The following IKZF3 variants were observed in gnomAD, a reference collection of about 807,000 sequenced individuals.
IKZF3 encodes IKAROS family zinc finger 3, also known as zinc finger protein Aiolos.
A neutral mutation model predicts 49.0 loss-of-function variants in IKZF3; 10 were observed. The observed-to-expected ratio is 0.20, with a 90% confidence interval of 0.13 to 0.35. The LOEUF is 0.35. Among genes scored for constraint, IKZF3 ranks in the 10% least tolerant of loss-of-function variants. IKZF3 has a pLI of 1.00. For missense variants in IKZF3, 498 were observed against 664.8 expected (o/e 0.75, Z 2.76); for synonymous variants, 209 against 228.2 (o/e 0.92, Z 0.76).
chr17:39,798,133 A>G (rs1015471158), intron 3 of IKZF3, among the ~76,000 whole-genome samples: 1 of 152,034 alleles, frequency 6.6e-6, no homozygotes, highest in Non-Finnish European at 1.5e-5. Context: ...CCATTACCTA[A>G]TTCTCAGACC....
intron 3 of IKZF3, among the ~76,000 whole-genome samples, chr17:39,816,845 C>G (rs2061688306): frequency 6.6e-6 from 1 of 152,204 alleles, no homozygotes; most frequent in African/African-American, 2.4e-5. Context: ...TCCCGAGTAG[C>G]TGGGATTACA....
intron 7 of IKZF3, among the ~76,000 whole-genome samples, chr17:39,771,062 C>A (rs1250275964): frequency 2.6e-5 from 4 of 152,148 alleles, no homozygotes; most frequent in Non-Finnish European, 4.4e-5. Context: ...TCCAAGATTG[C>A]CCAGTTGGTG....
chr17:39,776,122 G>A (rs1597972052), intron 7 of IKZF3, among the ~76,000 whole-genome samples: 3 of 152,128 alleles, frequency 2.0e-5, no homozygotes, highest in Non-Finnish European at 4.4e-5. Context: ...CTGGTGGTGC[G>A]TGCCCATAGT....
At chr17:39,823,751 G>T (rs1483038113) in intron 3 of IKZF3, among the ~76,000 whole-genome samples, 5 of 152,214 alleles carry the variant, frequency 3.3e-5, no homozygotes, top group Non-Finnish European at 7.3e-5. Flanking sequence ...GCTTCCATGT[G>T]ATGTTGAGCC....
intron 1 of IKZF3, among the ~76,000 whole-genome samples, chr17:39,863,770 T>C (rs1285362822): frequency 6.7e-6 from 1 of 149,666 alleles, no homozygotes; most frequent in African/African-American, 2.5e-5. Flanking sequence ...ACTGAGGCCA[T>C]GAAGGAAAAA....
intron 3 of IKZF3, among the ~76,000 whole-genome samples, chr17:39,825,013 A>G (rs2061920670): frequency 6.6e-6 from 1 of 152,090 alleles, no homozygotes; most frequent in African/African-American, 2.4e-5. Context: ...ATGGTTTCAT[A>G]AGTGTCTGGC....
At chr17:39,850,540 A>G (rs1487001473) in intron 1 of IKZF3, among the ~76,000 whole-genome samples, 1 of 129,908 alleles carries the variant, frequency 7.7e-6, no homozygotes, top group Non-Finnish European at 1.5e-5. Context: ...ATACATGTAC[A>G]TATTATAGCA....
At chr17:39,860,444 G>C (rs751314110) in intron 1 of IKZF3, among the ~76,000 whole-genome samples, 3 of 152,118 alleles carry the variant, frequency 2.0e-5, no homozygotes, top group Non-Finnish European at 4.4e-5. Context: ...ACAAATTTCT[G>C]CTCATATTCA....
chr17:39,788,933 G>A (rs1434616044), intron 5 of IKZF3, among the ~76,000 whole-genome samples: 1 of 152,072 alleles, frequency 6.6e-6, no homozygotes, highest in African/African-American at 2.4e-5. Flanking sequence ...ATTAACTACG[G>A]ATTTTTTTGT....
At position 39,864,258 on chromosome 17, in the gene IKZF3, G is replaced by T; in HGVS notation, c.-132C>A. 1 of 1,060,806 alleles carries T rather than the reference G, an allele frequency of 9.4e-7. No homozygotes were observed. Among genetic ancestry groups the T allele is most frequent in the Non-Finnish European group, 1.4e-6 (1 of 736,368 alleles). The allele number at this position is 1,060,806 out of a possible 1,614,324, so 65.7% of individuals were successfully genotyped here. ...GGGGAGTCCCCGGGATCCGGCAGCC[G>T]CGTCGGCGCAGACTGAAAAGGGCAG... On this transcript the variant is annotated 5_prime_UTR_variant, in exon 1 of 8. Coordinates refer to ENST00000346872, the MANE Select transcript of IKZF3 (RefSeq NM_012481.5).
At chr17:39,844,268 C>T (rs1473723265) in intron 1 of IKZF3, among the ~76,000 whole-genome samples, 1 of 152,158 alleles carries the variant, frequency 6.6e-6, no homozygotes, top group African/African-American at 2.4e-5. Context: ...GATGTTTATA[C>T]ATATCTGGGG....
chr17:39,864,101 A>G lies in IKZF3; in HGVS notation c.7+19T>C. ...GTTTCTCAAAGACCCCGGAGAAAAGAAGCGGGCTGGAGGCTCACCTTCCAT... is the reference window on the plus strand; with the variant it reads ...GTTTCTCAAAGACCCCGGAGAAAAGGAGCGGGCTGGAGGCTCACCTTCCAT... On this transcript the variant is annotated intron_variant, in intron 1 of 7. Coordinates refer to ENST00000346872, the MANE Select transcript of IKZF3 (RefSeq NM_012481.5). 1 of 1,613,054 alleles carries G rather than the reference A, an allele frequency of 6.2e-7. No homozygotes were observed. The highest frequency in any genetic ancestry group is 8.5e-7 in the Non-Finnish European group (1 of 1,179,624).
intron 3 of IKZF3, among the ~76,000 whole-genome samples, chr17:39,799,874 C>A (rs1796035289): frequency 6.6e-6 from 1 of 152,226 alleles, no homozygotes; most frequent in South Asian, 2.1e-4. Flanking sequence ...ATACATCCGT[C>A]TTATTCTGCT....
intron 7 of IKZF3, among the ~76,000 whole-genome samples, chr17:39,767,738 C>T (rs1213156340): frequency 1.3e-5 from 2 of 151,678 alleles, no homozygotes; most frequent in African/African-American, 2.4e-5. Flanking sequence ...GAAATAAGAC[C>T]TATATATATA....
At chr17:39,825,956 G>A (rs1001806758) in intron 3 of IKZF3, among the ~76,000 whole-genome samples, 1 of 152,182 alleles carries the variant, frequency 6.6e-6, no homozygotes, top group Non-Finnish European at 1.5e-5. Context: ...TTGGAACTAT[G>A]TGAGGAGCTG....
At chr17:39,783,612 G>A (rs535131143) in intron 6 of IKZF3, among the ~76,000 whole-genome samples, 5 of 152,318 alleles carry the variant, frequency 3.3e-5, no homozygotes, top group South Asian at 4.1e-4. Flanking sequence ...GAGCCACCGC[G>A]CCCGGCCAGT....
chr17:39,855,991 A>G (rs542162415), intron 1 of IKZF3, among the ~76,000 whole-genome samples: 4 of 150,970 alleles, frequency 2.6e-5, no homozygotes, highest in African/African-American at 9.8e-5. Flanking sequence ...TAACATGTAT[A>G]TTGTATATGT....
chr17:39,828,734 C>T (rs537295764), intron 3 of IKZF3, among the ~76,000 whole-genome samples: 3 of 152,226 alleles, frequency 2.0e-5, no homozygotes, highest in East Asian at 3.9e-4. Context: ...TATGGTGGTT[C>T]ATGCCTGTAA....
chr17:39,812,558 G>A (rs1598086322), intron 3 of IKZF3, among the ~76,000 whole-genome samples: 1 of 152,316 alleles, frequency 6.6e-6, no homozygotes, highest in East Asian at 1.9e-4. Flanking sequence ...GCAGCTATGA[G>A]CTGATTCTGG....
Sources: allele counts gnomAD v4.1 joint callset (sites outside exome capture counted in the v4.1 genomes callset), GRCh38; gene constraint gnomAD v4.1.1; transcripts MANE v1.5; gene names NCBI Gene and HGNC (gene_info 2026-07-23, HGNC 2026-07-21).